PDZD2: variants seen among roughly 807,000 people sequenced by gnomAD.
PDZD2 encodes the protein PDZ domain containing 2.
In PDZD2, 90 loss-of-function variants were observed where a neutral mutation model predicts 220.7. That is an observed-to-expected ratio of 0.41 (90% CI 0.34 to 0.49). The LOEUF (loss-of-function observed/expected upper bound fraction) is 0.49, where lower values mean the gene tolerates loss of function less well. Among genes scored for constraint, PDZD2 ranks in the 20% least tolerant of loss-of-function variants. The pLI is 0.28. For missense variants in PDZD2, 3,174 were observed against 3,608.5 expected, an observed-to-expected ratio of 0.88 and a Z score of 3.08; for synonymous variants, 1,375 against 1,450.5, an observed-to-expected ratio of 0.95 and a Z score of 1.18.
Position 32,037,100 on chromosome 5 carries a change from C to T in PDZD2, c.1408-131C>T. 3 of 628,158 alleles carry T rather than the reference C, an allele frequency of 4.8e-6. No homozygotes were observed. The Middle Eastern group carries it at 1.3e-3, about 267-fold the overall frequency. The allele number at this position is 628,158 out of a possible 1,614,324, so 38.9% of individuals were successfully genotyped here. On this transcript the variant is annotated intron_variant, in intron 6 of 24. Transcript: ENST00000438447. ...TTATCTGAAGGGCTGTGCTTTGATC[C>T]CGTGGTCCTTCTTCTCACATAACAC...
intron 1 of PDZD2, among the ~76,000 whole-genome samples, chr5:31,670,615 G>GT (rs1746178937): frequency 6.6e-6 from 1 of 151,976 alleles, no homozygotes; most frequent in African/African-American, 2.4e-5. Context: ...TAGAGACGGG[G>GT]TTTCACCATG....
At chr5:31,824,352 T>C (rs758145985) in intron 2 of PDZD2, among the ~76,000 whole-genome samples, 8 of 150,998 alleles carry the variant, frequency 5.3e-5, no homozygotes, top group Non-Finnish European at 1.0e-4. Flanking sequence ...AGAAAACAAA[T>C]ATAATGGCAA....
intron 1 of PDZD2, among the ~76,000 whole-genome samples, chr5:31,681,019 A>G (rs567927486): frequency 1.6e-4 from 25 of 152,064 alleles, no homozygotes; most frequent in African/African-American, 5.8e-4. Context: ...CCCCCACCCA[A>G]CTTTCTTGTC....
intron 2 of PDZD2, among the ~76,000 whole-genome samples, chr5:31,921,885 G>A (rs1324323011): frequency 1.3e-5 from 2 of 152,166 alleles, no homozygotes; most frequent in African/African-American, 4.8e-5. Context: ...CTTTGCCCTA[G>A]TGCCCGCCCT....
intron 2 of PDZD2, among the ~76,000 whole-genome samples, chr5:31,934,638 G>A (rs1553553): frequency 0.93 from 136,676 of 147,702 alleles, 63,298 homozygotes; most frequent in Middle Eastern, 0.96. Context: ...ACTTAAGTCC[G>A]GATACTAGAC....
Position 32,089,897 on chromosome 5 carries a change from A to G in PDZD2, c.6449A>G (p.His2150Arg). Residue 2150 changes from histidine to arginine, a missense_variant, in exon 20 of 25, where the codon CAT (histidine) becomes CGT (arginine). Coordinates refer to ENST00000438447, the MANE Select transcript of PDZD2 (RefSeq NM_178140.4). Reference sequence around the variant, plus strand: ...AGTCATCCATCCTCACTCCCATCTCATGCCTCCCAGGCAGAGCAGGAAATG... The same window carrying G: ...AGTCATCCATCCTCACTCCCATCTCGTGCCTCCCAGGCAGAGCAGGAAATG... Reference protein sequence around the residue: ...STSHPSSLPSHASQAEQEMSR... With the variant: ...STSHPSSLPSRASQAEQEMSR... 6.2e-7 allele frequency: 1 copy of G among 1,608,510 alleles called. No individual in the cohort carries two copies. Among genetic ancestry groups the G allele is most frequent in the Non-Finnish European group, 8.5e-7 (1 of 1,175,460 alleles).
intron 1 of PDZD2, among the ~76,000 whole-genome samples, chr5:31,684,134 C>A (rs1052712587): frequency 6.6e-6 from 1 of 152,160 alleles, no homozygotes; most frequent in Non-Finnish European, 1.5e-5. Context: ...TTTGCTGATG[C>A]CCCCGTACAA....
intron 1 of PDZD2, among the ~76,000 whole-genome samples, chr5:31,666,014 A>G (rs1745974722): frequency 6.6e-6 from 1 of 152,194 alleles, no homozygotes; most frequent in Non-Finnish European, 1.5e-5. Context: ...TTGGAGGTGG[A>G]GAGGCAGCGT....
At chr5:31,814,770 A>G (rs1012315980) in intron 2 of PDZD2, among the ~76,000 whole-genome samples, 1 of 151,992 alleles carries the variant, frequency 6.6e-6, no homozygotes, top group Admixed American at 6.6e-5. Flanking sequence ...GTGAGCCAAG[A>G]TTGTGCCACT....
intron 2 of PDZD2, among the ~76,000 whole-genome samples, chr5:31,945,325 T>A (rs1436142493): frequency 3.9e-5 from 6 of 152,226 alleles, no homozygotes; most frequent in Admixed American, 3.3e-4. Flanking sequence ...TGACTCATGC[T>A]AATCAAATTC....
Position 32,108,002 on chromosome 5 carries a change from C to T in PDZD2, c.8387C>T (p.Ala2796Val). 2 of 1,613,020 alleles carry T rather than the reference C, an allele frequency of 1.2e-6. No individual in the cohort carries two copies. The highest frequency in any genetic ancestry group is 1.7e-6 in the Non-Finnish European group (2 of 1,179,064). The stretch of plus-strand genomic sequence containing the variant: ...GCTGAACAAGCTGGAATAATAGAAG[C>T]TGGAGATGAAATTCTTGCTATTAAT... ...GAAEQAGIIE[A>V]GDEILAINGK... Residue 2796 changes from alanine (A) to valine (V), a missense_variant, in exon 25 of 25, where the codon GCT (alanine) becomes GTT (valine). By Grantham distance (64) the Ala-to-Val change is moderately conservative. Coordinates refer to ENST00000438447, the MANE Select transcript of PDZD2 (RefSeq NM_178140.4).
At chr5:31,781,329 G>C (rs956071712) in intron 1 of PDZD2, among the ~76,000 whole-genome samples, 3 of 152,198 alleles carry the variant, frequency 2.0e-5, no homozygotes, top group Admixed American at 2.0e-4. Flanking sequence ...CAGGAGAATC[G>C]CTTGAACCCA....
At chr5:31,733,461 G>A (rs1195704235) in intron 1 of PDZD2, among the ~76,000 whole-genome samples, 1 of 152,154 alleles carries the variant, frequency 6.6e-6, no homozygotes, top group Non-Finnish European at 1.5e-5. Context: ...GCTGCGTGTG[G>A]TCTGACCCAC....
Position 32,089,675 on chromosome 5 carries a change from G to A in PDZD2, c.6227G>A (p.Gly2076Asp), listed in dbSNP as rs1288203415. The change falls in exon 20 of 25, where the codon GGC becomes GAC. Residue 2076 changes from glycine (G) to aspartate (D), a missense_variant. Gly to Asp is a moderately conservative substitution (Grantham distance 94). Coordinates refer to ENST00000438447, the MANE Select transcript of PDZD2 (RefSeq NM_178140.4). ...AQPRPTGEKG[G>D]NIMASDRLER... ...CCCAGGCCGACTGGCGAAAAAGGAG[G>A]CAACATAATGGCCAGCGATCGCCTC... 1.9e-6 allele frequency: 3 copies of A among 1,614,182 alleles called. No individual in the cohort carries two copies. The highest frequency in any genetic ancestry group is 2.5e-6 in the Non-Finnish European group (3 of 1,180,030).
chr5:31,748,218 C>T (rs1445001799), intron 1 of PDZD2: 1 of 151,584 alleles, frequency 6.6e-6, no homozygotes, highest in Non-Finnish European at 1.5e-5. Flanking sequence ...AAATAATATC[C>T]TTGACCTACC....
At position 31,849,871 on chromosome 5, in the gene PDZD2, C is replaced by CATAT. The variant is rs1205582836; in HGVS notation, c.476+50161_476+50164dup. Among the ~76,000 whole-genome samples, 71 of 50,516 alleles carry CATAT rather than the reference C, an allele frequency of 1.4e-3. 3 individuals carry two copies. The highest frequency in any genetic ancestry group is 6.6e-3 in the African/African-American group (30 of 4,576). The allele number at this position is 50,516 out of a possible 152,430, so 33.1% of individuals were successfully genotyped here. The stretch of plus-strand genomic sequence containing the variant: ...TCTCTCTCTCTCTCATATATATATA[C>CATAT]ATATATATATATATATACACATATA... On this transcript the variant is annotated intron_variant, in intron 2 of 24. Coordinates refer to ENST00000438447, the MANE Select transcript of PDZD2 (RefSeq NM_178140.4).
intron 2 of PDZD2, among the ~76,000 whole-genome samples, chr5:31,816,168 G>C (rs1369633345): frequency 6.6e-6 from 1 of 151,670 alleles, no homozygotes; most frequent in Non-Finnish European, 1.5e-5. Flanking sequence ...GGCGCCTGTA[G>C]TCCCAGCTAC....
intron 2 of PDZD2, among the ~76,000 whole-genome samples, chr5:31,849,869 T>TACATATATATATATATATAC (rs1757814387): frequency 1.6e-5 from 1 of 61,666 alleles, no homozygotes; most frequent in Non-Finnish European, 2.5e-5. Context: ...CATATATATA[T>TACATATATATATATATATAC]ACATATATAT....
intron 2 of PDZD2, among the ~76,000 whole-genome samples, chr5:31,937,108 A>C (rs937276287): frequency 6.6e-6 from 1 of 152,206 alleles, no homozygotes; most frequent in African/African-American, 2.4e-5. Context: ...GCCGAGTCTC[A>C]GGGTGTTCCT....
Sources: allele counts gnomAD v4.1 joint callset (sites outside exome capture counted in the v4.1 genomes callset), GRCh38; gene constraint gnomAD v4.1.1; transcripts MANE v1.5; gene names NCBI Gene and HGNC (gene_info 2026-07-23, HGNC 2026-07-21).